SPATA6: variants seen among roughly 807,000 people sequenced by gnomAD.
SPATA6 encodes the protein spermatogenesis associated 6.
Under a neutral mutation model 65.3 loss-of-function variants are expected in SPATA6, and 56 were observed. That is an observed-to-expected ratio of 0.86 (90% CI 0.69 to 1.07). The LOEUF is 1.07. Ranked by LOEUF, SPATA6 falls within the 50% of genes least tolerant of loss-of-function variation. The probability of loss-of-function intolerance (pLI) is 0.00; values close to 1 mark genes in which losing one functional copy is unlikely to be tolerated. For synonymous variants in SPATA6, 199 were observed against 213.2 expected, an observed-to-expected ratio of 0.93 and a Z score of 0.58; for missense variants, 590 against 594.8, an observed-to-expected ratio of 0.99 and a Z score of 0.08.
At chr1:48,471,749 A>C (rs1474186611) in intron 1 of SPATA6, among the ~76,000 whole-genome samples, 5 of 152,218 alleles carry the variant, frequency 3.3e-5, no homozygotes, top group Non-Finnish European at 4.4e-5. Context: ...AAGCCAGCAT[A>C]GCGGAGCAGG....
rs1474474273 is a variant in SPATA6 at position 48,298,075 on chromosome 1, C to T, written c.*638G>A. On this transcript the variant is annotated 3_prime_UTR_variant, in exon 13 of 13. Coordinates refer to ENST00000371847, the MANE Select transcript of SPATA6 (RefSeq NM_019073.4). ...TTCAAATTTTTGATCATCCATGGCA[C>T]TGATATTTCTAGCTAACTGCTATGC... 6.6e-6 allele frequency: 1 copy of T among 152,078 alleles called. No homozygotes were observed. Among genetic ancestry groups the T allele is most frequent in the Non-Finnish European group, 1.5e-5 (1 of 68,010 alleles). 9.4% of individuals were successfully genotyped at this position (152,078 alleles called of 1,614,324 possible).
At position 48,375,862 on chromosome 1, in the gene SPATA6, T is replaced by C. The variant is rs531081792; in HGVS notation, c.909+9447A>G. ...CTTGCAATGGCAACTTTGGATAATTTTTTATATAAATAAAACTGTTTGAAA... is the reference window on the plus strand; with the variant it reads ...CTTGCAATGGCAACTTTGGATAATTCTTTATATAAATAAAACTGTTTGAAA... On this transcript the variant is annotated intron_variant, in intron 9 of 12. Coordinates refer to ENST00000371847, the MANE Select transcript of SPATA6 (RefSeq NM_019073.4). Among the ~76,000 whole-genome samples, 13 of 152,272 alleles carry C rather than the reference T, an allele frequency of 8.5e-5. No individual in the cohort carries two copies. In the East Asian group the frequency reaches 2.5e-3, roughly 29 times the overall value.
intron 9 of SPATA6, 53 bp downstream of exon 9, chr1:48,385,256 T>A: frequency 6.7e-7 from 1 of 1,493,452 alleles, no homozygotes; most frequent in Non-Finnish European, 9.1e-7. Context: ...AATAGACTCA[T>A]GTTGTTGTCT....
chr1:48,362,856 G>C (rs1201565774), intron 9 of SPATA6, among the ~76,000 whole-genome samples: 1 of 152,080 alleles, frequency 6.6e-6, no homozygotes, highest in African/African-American at 2.4e-5. Context: ...ATGTAATAGA[G>C]AATATCATAG....
intron 5 of SPATA6, among the ~76,000 whole-genome samples, chr1:48,407,582 T>G (rs547438113): frequency 6.6e-6 from 1 of 152,340 alleles, no homozygotes; most frequent in Non-Finnish European, 1.5e-5. Context: ...AGTTCTCACT[T>G]ACCAAACAGA....
At chr1:48,429,078 A>G (rs1654161636) in intron 3 of SPATA6, among the ~76,000 whole-genome samples, 1 of 151,816 alleles carries the variant, frequency 6.6e-6, no homozygotes, top group Non-Finnish European at 1.5e-5. Context: ...AACCCACTGC[A>G]GGCAGATAAG....
chr1:48,264,247 G>A, the SPATA6 span, among the ~76,000 whole-genome samples: 1 of 152,130 alleles, frequency 6.6e-6, no homozygotes, highest in African/African-American at 2.4e-5. Context: ...TTTGGGGGAA[G>A]AAGACAAAAT....
Position 48,433,950 on chromosome 1 carries a change from G to T in SPATA6, c.238+17602C>A, listed in dbSNP as rs528753077. ...CTATTTTAGCTCCCTATAGGGAAGA[G>T]AAATCAACAGAAACACCCAGTAACA... On this transcript the variant is annotated intron_variant, in intron 3 of 12. Coordinates refer to ENST00000371847, the MANE Select transcript of SPATA6 (RefSeq NM_019073.4). Among the ~76,000 whole-genome samples the T allele has an allele frequency of 7.2e-5, 11 of 152,204 alleles. No individual in the cohort carries two copies. In the East Asian group the frequency reaches 2.1e-3, roughly 29 times the overall value.
the SPATA6 span, among the ~76,000 whole-genome samples, chr1:48,287,230 A>G: frequency 6.6e-6 from 1 of 152,140 alleles, no homozygotes; most frequent in Admixed American, 6.5e-5. Flanking sequence ...ACATTTTTAA[A>G]TGACTGGATC....
intron 9 of SPATA6, among the ~76,000 whole-genome samples, chr1:48,370,828 T>C (rs954280705): frequency 5.9e-5 from 9 of 152,172 alleles, no homozygotes; most frequent in African/African-American, 2.2e-4. Context: ...CAAACTCTCA[T>C]AGCCCAAGCC....
chr1:48,337,240 T>C (rs972097872), intron 11 of SPATA6, among the ~76,000 whole-genome samples: 1 of 151,832 alleles, frequency 6.6e-6, no homozygotes, highest in African/African-American at 2.4e-5. Flanking sequence ...GTTTAAGACT[T>C]GAAAATCAAG....
At chr1:48,388,120 G>A (rs903524022) in intron 8 of SPATA6, among the ~76,000 whole-genome samples, 5 of 152,038 alleles carry the variant, frequency 3.3e-5, no homozygotes, top group East Asian at 1.9e-4. Flanking sequence ...CCACCACTGC[G>A]ACCCAAAGAC....
chr1:48,411,888 A>C (rs1652272521), intron 4 of SPATA6, among the ~76,000 whole-genome samples: 2 of 149,120 alleles, frequency 1.3e-5, no homozygotes, highest in African/African-American at 4.9e-5. Flanking sequence ...TTTGAGATGG[A>C]GTTTCACTCT....
intron 12 of SPATA6, 89 bp downstream of exon 12, chr1:48,305,698 G>C (rs1294518552): frequency 1.1e-6 from 1 of 916,970 alleles, no homozygotes; most frequent in South Asian, 2.1e-5. Flanking sequence ...TTATCCTTTT[G>C]AGTCTAAATT....
At chr1:48,277,079 A>G in the SPATA6 span, among the ~76,000 whole-genome samples, 28 of 145,982 alleles carry the variant, frequency 1.9e-4, no homozygotes, top group South Asian at 6.1e-3. Context: ...ACCATTAGCA[A>G]TGGCCTTCTT....
the SPATA6 span, among the ~76,000 whole-genome samples, chr1:48,267,714 G>A: frequency 2.0e-5 from 3 of 148,126 alleles, no homozygotes; most frequent in East Asian, 2.0e-4. Flanking sequence ...TGTTCCTCTC[G>A]ACGTCCAGCG....
rs148806532 is a variant in SPATA6, at chr1:48,323,065, T to G, written c.1195-17187A>C. 8.1e-3 allele frequency among the ~76,000 whole-genome samples: 1,227 copies of G among 152,272 alleles called. 25 individuals carry two copies. Among genetic ancestry groups the G allele is most frequent in the African/African-American group, 0.028 (1,172 of 41,556 alleles). ...ATACCATTTGACCCAGCAATCCCAT[T>G]ACTGGGTATATACCCAAAGGATTAT... On this transcript the variant is annotated intron_variant, in intron 11 of 12. Transcript: ENST00000371847.
intron 3 of SPATA6, among the ~76,000 whole-genome samples, chr1:48,428,771 A>G (rs183749901): frequency 3.1e-4 from 23 of 74,026 alleles, no homozygotes; most frequent in African/African-American, 7.4e-4. Flanking sequence ...GTATAGGTGT[A>G]TATATGTGTG....
the SPATA6 span, among the ~76,000 whole-genome samples, chr1:48,272,052 T>C: frequency 2.6e-5 from 4 of 152,128 alleles, no homozygotes; most frequent in South Asian, 2.1e-4. Context: ...AGTAGCTTTA[T>C]TGAGGTATCA....
Sources: gnomAD v4.1 joint callset for allele counts (sites outside exome capture counted in the v4.1 genomes callset) on GRCh38, gnomAD v4.1.1 for gene constraint, MANE v1.5 for transcripts, NCBI Gene and HGNC (gene_info 2026-07-23, HGNC 2026-07-21) for gene names.